The following CDK5RAP2 variants were observed in gnomAD, a reference collection of about 807,000 sequenced individuals.
CDK5RAP2 encodes the protein CDK5 regulatory subunit-associated protein 2.
In CDK5RAP2, 147 loss-of-function variants were observed where a neutral mutation model predicts 232.9. The ratio of observed to expected loss-of-function variants is 0.63; its 90% CI spans 0.55 to 0.72. The LOEUF is 0.72. Among genes scored for constraint, CDK5RAP2 ranks in the 30% least tolerant of loss-of-function variants. CDK5RAP2 has a pLI of 0.00. For synonymous variants in CDK5RAP2, 833 were observed against 833.7 expected, an observed-to-expected ratio of 1.00 and a Z score of 0.01; for missense variants, 2,195 against 2,231.5, an observed-to-expected ratio of 0.98 and a Z score of 0.33.
At chr9:120,464,123 A>G (rs1361119889) in intron 18 of CDK5RAP2, among the ~76,000 whole-genome samples, 1 of 152,186 alleles carries the variant, frequency 6.6e-6, no homozygotes, top group Non-Finnish European at 1.5e-5. Flanking sequence ...CTTGCTTCTC[A>G]GAGTGTTCGA....
chr9:120,471,005 T>G (rs2037673903), intron 16 of CDK5RAP2, among the ~76,000 whole-genome samples: 1 of 152,208 alleles, frequency 6.6e-6, no homozygotes, highest in Non-Finnish European at 1.5e-5. Context: ...TCTTCATCTG[T>G]AAAATGAACT....
rs10984916 is a variant in CDK5RAP2 at position 120,443,427 on chromosome 9, C to T, written c.3148+193G>A. Among the ~76,000 whole-genome samples, 2,590 of 152,302 alleles carry T rather than the reference C, an allele frequency of 0.017. 49 individuals are homozygous for T. The highest frequency in any genetic ancestry group is 0.023 in the Non-Finnish European group (1,576 of 68,026). On this transcript the variant is annotated intron_variant, in intron 23 of 37. Coordinates refer to ENST00000349780, the MANE Select transcript of CDK5RAP2 (RefSeq NM_018249.6). ...TCTGACATCCTACTGTACCTTGACT[C>T]TTCTCCTACTTACCAGCTGGGTGAC...
At chr9:120,538,987 C>A in intron 6 of CDK5RAP2, 54 bp downstream of exon 6, 1 of 1,586,280 alleles carries the variant, frequency 6.3e-7, no homozygotes, top group Non-Finnish European at 8.7e-7. Flanking sequence ...ACTGTGCCAG[C>A]CTATTATTAA....
At position 120,548,770 on chromosome 9, in the gene CDK5RAP2, C is replaced by T. The variant is rs568678942; in HGVS notation, c.306+2022G>A. Among the ~76,000 whole-genome samples the T allele has an allele frequency of 5.9e-5, 9 of 152,284 alleles. No homozygotes were observed. The East Asian group carries it at 9.6e-4, about 16-fold the overall frequency. On this transcript the variant is annotated intron_variant, in intron 4 of 37. Coordinates refer to ENST00000349780, the MANE Select transcript of CDK5RAP2 (RefSeq NM_018249.6). ...AAGGTTGCAGTGAGCTATGATCACA[C>T]CACTACACTCCAGCTCGGTGACAGA...
At chr9:120,458,698 G>A in intron 19 of CDK5RAP2, 76 bp from the exon 20 acceptor site, 3 of 1,364,740 alleles carry the variant, frequency 2.2e-6, no homozygotes, top group Non-Finnish European at 3.1e-6. Flanking sequence ...GGATGGAGAT[G>A]CAGGGTAAGT....
chr9:120,429,815 C>A (rs2035164321), intron 25 of CDK5RAP2, among the ~76,000 whole-genome samples: 2 of 152,098 alleles, frequency 1.3e-5, no homozygotes, highest in Non-Finnish European at 2.9e-5. Flanking sequence ...AATCCTAAGC[C>A]AAAAGAACAA....
At chr9:120,561,300 A>G (rs2042454625) in intron 3 of CDK5RAP2, among the ~76,000 whole-genome samples, 1 of 151,978 alleles carries the variant, frequency 6.6e-6, no homozygotes, top group Admixed American at 6.6e-5. Flanking sequence ...TGGAGAAATA[A>G]CAGAATTTTT....
intron 10 of CDK5RAP2, among the ~76,000 whole-genome samples, chr9:120,525,878 A>G (rs980184147): frequency 6.6e-6 from 1 of 152,170 alleles, no homozygotes; most frequent in Non-Finnish European, 1.5e-5. Flanking sequence ...TCAGCCTCCC[A>G]AAGTGTTGGG....
chr9:120,428,040 A>G lies in CDK5RAP2; in HGVS notation c.3956-5299T>C, dbSNP rs540695790. Reference sequence around the variant, plus strand: ...ATAACGAAATGAAGGCAGAAATAAAAATGTTCTTTGAAGCCAACGAGAACA... The same window carrying G: ...ATAACGAAATGAAGGCAGAAATAAAGATGTTCTTTGAAGCCAACGAGAACA... On this transcript the variant is annotated intron_variant, in intron 25 of 37. Transcript: ENST00000349780. Among the ~76,000 whole-genome samples the G allele has an allele frequency of 3.8e-3, 578 of 152,252 alleles. 4 individuals are homozygous for G. Among genetic ancestry groups the G allele is most frequent in the African/African-American group, 0.013 (546 of 41,528 alleles).
chr9:120,430,263 G>T (rs1300672968), intron 25 of CDK5RAP2, among the ~76,000 whole-genome samples: 2 of 152,148 alleles, frequency 1.3e-5, no homozygotes, highest in African/African-American at 4.8e-5. Flanking sequence ...TGACAAATGG[G>T]ATCTAATTAA....
intron 25 of CDK5RAP2, among the ~76,000 whole-genome samples, chr9:120,434,352 C>G (rs1298681953): frequency 6.6e-6 from 1 of 152,012 alleles, no homozygotes; most frequent in Non-Finnish European, 1.5e-5. Flanking sequence ...GGTGGGGCGG[C>G]AGAAGTAAGG....
chr9:120,450,983 T>C (rs1324451720), intron 21 of CDK5RAP2, among the ~76,000 whole-genome samples: 1 of 152,186 alleles, frequency 6.6e-6, no homozygotes, highest in East Asian at 1.9e-4. Context: ...GGTGGATGCC[T>C]CAGCAAAGAG....
At chr9:120,503,210 T>C (rs1200197507) in intron 12 of CDK5RAP2, among the ~76,000 whole-genome samples, 1 of 152,214 alleles carries the variant, frequency 6.6e-6, no homozygotes, top group East Asian at 1.9e-4. Context: ...TAATTTATCA[T>C]TTCTTAAGGA....
chr9:120,505,004 TG>T (rs1393589356), intron 12 of CDK5RAP2, among the ~76,000 whole-genome samples: 1 of 152,226 alleles, frequency 6.6e-6, no homozygotes, highest in East Asian at 1.9e-4. Context: ...AGGAGAGTGC[TG>T]GGCACTTTAC....
chr9:120,571,029 C>T (rs1384925027), intron 2 of CDK5RAP2, among the ~76,000 whole-genome samples: 4 of 152,146 alleles, frequency 2.6e-5, no homozygotes, highest in African/African-American at 9.7e-5. Context: ...TGTCGTGGCA[C>T]ACGCCTGTAG....
chr9:120,569,392 A>C (rs1274463406), intron 2 of CDK5RAP2, among the ~76,000 whole-genome samples: 1 of 152,250 alleles, frequency 6.6e-6, no homozygotes, highest in Non-Finnish European at 1.5e-5. Flanking sequence ...GGAGAAAAAT[A>C]AAGTAGATAA....
chr9:120,470,304 T>C, intron 16 of CDK5RAP2, 84 bp from the exon 17 acceptor site: 3 of 684,086 alleles, frequency 4.4e-6, no homozygotes, highest in Admixed American at 2.8e-5. Context: ...CTGACCCCAG[T>C]GCAATCCATC....
chr9:120,525,077 A>T lies in CDK5RAP2; in HGVS notation c.1001T>A (p.Val334Asp). 1 of 1,613,196 alleles carries T rather than the reference A, an allele frequency of 6.2e-7. No homozygotes were observed. Among genetic ancestry groups the T allele is most frequent in the Non-Finnish European group, 8.5e-7 (1 of 1,179,216 alleles). ...TTCAATTTCAGAGTTAAGTTCTTCA[A>T]CCTGGGGAAAAATAATGAATACCAG... ...TMALKSKEKK[V>D]EELNSEIEKL... The change falls in exon 11 of 38, where the codon GTT (valine) becomes GAT (aspartate). Residue 334 changes from valine (V) to aspartate (D), a missense_variant and splice_region_variant. Coordinates refer to ENST00000349780, the MANE Select transcript of CDK5RAP2 (RefSeq NM_018249.6).
chr9:120,452,871 T>C (rs182827994), intron 21 of CDK5RAP2, among the ~76,000 whole-genome samples: 66 of 152,140 alleles, frequency 4.3e-4, no homozygotes, highest in African/African-American at 1.5e-3. Context: ...GGGTGTGGCT[T>C]CCAGATCTTT....
Sources: allele counts gnomAD v4.1 joint callset (sites outside exome capture counted in the v4.1 genomes callset), GRCh38; gene constraint gnomAD v4.1.1; transcripts MANE v1.5; gene names NCBI Gene and HGNC (gene_info 2026-07-23, HGNC 2026-07-21).